Variants in MITF observed in about 807,000 individuals in gnomAD.
MITF encodes the protein melanocyte inducing transcription factor.
MITF carries 17 observed loss-of-function variants against 60.5 expected under a neutral mutation model. The ratio of observed to expected loss-of-function variants is 0.28; its 90% confidence interval spans 0.19 to 0.42. The LOEUF (loss-of-function observed/expected upper bound fraction) is 0.42, where lower values mean the gene tolerates loss of function less well. Ranked by LOEUF, MITF falls within the 10% of genes least tolerant of loss-of-function variation. The pLI is 1.00. For synonymous variants in MITF, 260 were observed against 248.5 expected, an observed-to-expected ratio of 1.05 and a Z score of -0.43; for missense variants, 622 against 683.5, an observed-to-expected ratio of 0.91 and a Z score of 1.00.
chr3:69,866,198 C>T (rs185457737), intron 1 of MITF: 10 of 1,581,472 alleles, frequency 6.3e-6, no homozygotes, highest in Non-Finnish European at 6.8e-6. Flanking sequence ...AGGGCCTTAT[C>T]AGGAGCCACC....
At chr3:69,800,219 G>T (rs2062896435) in intron 1 of MITF, among the ~76,000 whole-genome samples, 1 of 152,140 alleles carries the variant, frequency 6.6e-6, no homozygotes, top group South Asian at 2.1e-4. Flanking sequence ...GGCCTTTCAT[G>T]TCTAGCTTCT....
chr3:69,945,673 T>C (rs888954648), intron 5 of MITF, among the ~76,000 whole-genome samples: 7 of 152,210 alleles, frequency 4.6e-5, no homozygotes, highest in Non-Finnish European at 8.8e-5. Context: ...GTTTCTCAAA[T>C]GTGGAACTGT....
chr3:69,766,718 G>A (rs535254000), intron 1 of MITF, among the ~76,000 whole-genome samples: 1 of 152,254 alleles, frequency 6.6e-6, no homozygotes, highest in East Asian at 1.9e-4. Flanking sequence ...GATGGGATCA[G>A]GGATAAGTAT....
intron 2 of MITF, among the ~76,000 whole-genome samples, chr3:69,902,882 A>C (rs2065023566): frequency 6.6e-6 from 1 of 151,982 alleles, no homozygotes; most frequent in African/African-American, 2.4e-5. Flanking sequence ...AGAAAAAAAA[A>C]CCCAAATAGG....
intron 1 of MITF, among the ~76,000 whole-genome samples, chr3:69,790,925 C>T (rs2062729787): frequency 6.6e-6 from 1 of 152,206 alleles, no homozygotes. Context: ...TATTAAACTT[C>T]TTAATTCCAA....
intron 1 of MITF, among the ~76,000 whole-genome samples, chr3:69,842,286 C>T (rs2063652032): frequency 6.6e-6 from 1 of 152,036 alleles, no homozygotes; most frequent in Admixed American, 6.6e-5. Flanking sequence ...GAGCACAATG[C>T]TAAAAAATTT....
At chr3:69,853,756 C>T (rs555730449) in intron 1 of MITF, among the ~76,000 whole-genome samples, 6 of 152,068 alleles carry the variant, frequency 3.9e-5, no homozygotes, top group South Asian at 2.1e-4. Flanking sequence ...TTTTTTCATT[C>T]CACATCTGTC....
chr3:69,896,266 T>C (rs2064874523), intron 2 of MITF, among the ~76,000 whole-genome samples: 1 of 152,246 alleles, frequency 6.6e-6, no homozygotes, highest in African/African-American at 2.4e-5. Flanking sequence ...TAGCCCTAGA[T>C]AAAGCATTAC....
intron 1 of MITF, among the ~76,000 whole-genome samples, chr3:69,842,950 C>T (rs1424752799): frequency 6.6e-6 from 1 of 152,198 alleles, no homozygotes; most frequent in African/African-American, 2.4e-5. Context: ...GTCCTACCTA[C>T]ATATCCTTCC....
intron 4 of MITF, among the ~76,000 whole-genome samples, chr3:69,939,503 T>A (rs560305410): frequency 6.6e-6 from 1 of 152,248 alleles, no homozygotes; most frequent in South Asian, 2.1e-4. Flanking sequence ...GGTTAGCAAT[T>A]TTTGTATTAG....
chr3:69,882,706 G>A (rs1055331329), intron 2 of MITF, among the ~76,000 whole-genome samples: 2 of 152,162 alleles, frequency 1.3e-5, no homozygotes, highest in African/African-American at 2.4e-5. Context: ...GGACAGAACT[G>A]TAGGTGAGTT....
chr3:69,850,985 T>C (rs191655629), intron 1 of MITF, among the ~76,000 whole-genome samples: 164 of 152,204 alleles, frequency 1.1e-3, no homozygotes, highest in South Asian at 2.1e-4. Context: ...GTAGGTCAGA[T>C]AAAAGGCAGA....
At chr3:69,753,087 A>C (rs546840507) in intron 1 of MITF, among the ~76,000 whole-genome samples, 9 of 152,208 alleles carry the variant, frequency 5.9e-5, no homozygotes, top group African/African-American at 9.6e-5. Context: ...AGGGGGACTG[A>C]GTCGTTTCCT....
chr3:69,846,801 A>G (rs1575811166), intron 1 of MITF, among the ~76,000 whole-genome samples: 1 of 136,040 alleles, frequency 7.4e-6, no homozygotes, highest in East Asian at 2.2e-4. Context: ...TGGGCAACAG[A>G]GTGAGACTCT....
At chr3:69,828,372 A>G (rs1442570517) in intron 1 of MITF, among the ~76,000 whole-genome samples, 1 of 152,224 alleles carries the variant, frequency 6.6e-6, no homozygotes, top group East Asian at 1.9e-4. Flanking sequence ...TAGAAGAGTA[A>G]TAGGTCAGTT....
At chr3:69,919,352 C>T (rs2065410237) in intron 2 of MITF, among the ~76,000 whole-genome samples, 1 of 152,148 alleles carries the variant, frequency 6.6e-6, no homozygotes, top group African/African-American at 2.4e-5. Context: ...AATGCTATTT[C>T]TACTACTGTA....
intron 2 of MITF, among the ~76,000 whole-genome samples, chr3:69,923,297 T>C (rs1021033385): frequency 2.6e-5 from 4 of 152,242 alleles, no homozygotes; most frequent in African/African-American, 9.6e-5. Flanking sequence ...AGTGAATCCA[T>C]TGAAAACTTT....
intron 1 of MITF, among the ~76,000 whole-genome samples, chr3:69,747,243 G>A (rs1690474824): frequency 6.6e-6 from 1 of 152,186 alleles, no homozygotes. Flanking sequence ...ACATGAGCAA[G>A]ATGAGTTTTA....
rs148242520 is a variant in MITF, at chr3:69,964,847, G to A, written c.1180G>A (p.Glu394Lys). Residue 394 changes from glutamate to lysine, a missense_variant and splice_region_variant, in exon 10 of 10, where the codon GAA becomes AAA. Physicochemically the swap from Glu to Lys is moderately conservative, Grantham distance 56. Around this residue, in one of 5 missense-constraint regions of MITF, gnomAD observed 224 missense variants for 209.5 expected, o/e 1.07. Coordinates refer to ENST00000352241, the MANE Select transcript of MITF (RefSeq NM_001354604.2). ...ANRHLLLRIQELEMQARAHGL... is the reference protein window; with the variant it reads ...ANRHLLLRIQKLEMQARAHGL... ...TGTTTTATCTTTACTCTTATTATAG[G>A]AACTTGAAATGCAGGCTCGAGCTCA... 3.7e-6 allele frequency: 6 copies of A among 1,613,774 alleles called. No homozygotes were observed. The highest frequency in any genetic ancestry group is 2.2e-5 in the East Asian group (1 of 44,874).
Sources: gnomAD v4.1 joint callset for allele counts (sites outside exome capture counted in the v4.1 genomes callset) on GRCh38, gnomAD v4.1.1 for gene constraint, gnomAD v4.1.1 regional missense constraint, MANE v1.5 for transcripts, NCBI Gene and HGNC (gene_info 2026-07-23, HGNC 2026-07-21) for gene names.